The following ERBB4 variants were observed in gnomAD, a reference collection of about 807,000 sequenced individuals.
ERBB4 encodes erb-b2 receptor tyrosine kinase 4.
Under a neutral mutation model 158.0 loss-of-function variants are expected in ERBB4, and 42 were observed. That is an observed-to-expected ratio of 0.27 (90% CI 0.21 to 0.34). The LOEUF is 0.34. Among genes scored for constraint, ERBB4 ranks in the 10% least tolerant of loss-of-function variants. ERBB4 has a pLI of 1.00. For synonymous variants in ERBB4, 583 were observed against 558.7 expected (o/e 1.04, Z -0.61); for missense variants, 1,333 against 1,624.1 (o/e 0.82, Z 3.08).
At chr2:212,532,660 T>C (rs1466896489) in intron 1 of ERBB4, among the ~76,000 whole-genome samples, 1 of 152,228 alleles carries the variant, frequency 6.6e-6, no homozygotes. Flanking sequence ...AATGATTGTA[T>C]GACCAGAATC....
intron 5 of ERBB4, among the ~76,000 whole-genome samples, chr2:211,739,757 C>G (rs1285856644): frequency 6.6e-6 from 1 of 152,250 alleles, no homozygotes; most frequent in Non-Finnish European, 1.5e-5. Flanking sequence ...GCGTGAGCCA[C>G]TGCGCCCAGC....
intron 20 of ERBB4, among the ~76,000 whole-genome samples, chr2:211,517,229 AATAAT>A (rs1481998535): frequency 2.6e-5 from 4 of 152,132 alleles, no homozygotes; most frequent in African/African-American, 9.6e-5. Flanking sequence ...CTAACATAAA[AATAAT>A]ATGTTTCTTT....
chr2:211,888,160 T>C (rs952665886), intron 3 of ERBB4, among the ~76,000 whole-genome samples: 33 of 152,220 alleles, frequency 2.2e-4, no homozygotes, highest in African/African-American at 8.0e-4. Flanking sequence ...TTTCAGTTTC[T>C]TCTACTGCCA....
intron 20 of ERBB4, among the ~76,000 whole-genome samples, chr2:211,486,173 T>A (rs1318629533): frequency 6.6e-6 from 1 of 152,210 alleles, no homozygotes; most frequent in Non-Finnish European, 1.5e-5. Flanking sequence ...ACTTTGTATC[T>A]GCTAACTGTG....
chr2:211,676,479 G>GA (rs2072075661), intron 13 of ERBB4, among the ~76,000 whole-genome samples: 1 of 151,768 alleles, frequency 6.6e-6, no homozygotes, highest in South Asian at 2.1e-4. Flanking sequence ...GATAGAAACT[G>GA]GTGTATACAT....
intron 20 of ERBB4, among the ~76,000 whole-genome samples, chr2:211,507,233 A>G (rs1485508637): frequency 6.6e-6 from 1 of 152,148 alleles, no homozygotes; most frequent in Non-Finnish European, 1.5e-5. Context: ...TCTTTCATCA[A>G]TAAAAGCCCA....
At chr2:211,443,083 C>T (rs891580012) in intron 20 of ERBB4, among the ~76,000 whole-genome samples, 1 of 152,064 alleles carries the variant, frequency 6.6e-6, no homozygotes, top group East Asian at 1.9e-4. Context: ...CATCCTTACT[C>T]TTTCTATCCT....
chr2:211,410,567 G>A (rs918322567), intron 25 of ERBB4, among the ~76,000 whole-genome samples: 5 of 152,148 alleles, frequency 3.3e-5, no homozygotes, highest in African/African-American at 1.2e-4. Context: ...GAAGAATAAA[G>A]CAGTGACTAT....
intron 3 of ERBB4, among the ~76,000 whole-genome samples, chr2:211,931,319 T>C (rs1278039029): frequency 1.3e-5 from 2 of 152,130 alleles, no homozygotes; most frequent in African/African-American, 2.4e-5. Context: ...ACTATTATTA[T>C]AGCACGTTGT....
chr2:212,045,833 A>T (rs752313232), intron 2 of ERBB4, among the ~76,000 whole-genome samples: 8 of 152,224 alleles, frequency 5.3e-5, no homozygotes, highest in Non-Finnish European at 1.0e-4. Flanking sequence ...AGGGAACTTC[A>T]CATTTCCCGA....
At chr2:212,128,307 T>A (rs547302820) in intron 1 of ERBB4, among the ~76,000 whole-genome samples, 1 of 152,314 alleles carries the variant, frequency 6.6e-6, no homozygotes, top group South Asian at 2.1e-4. Flanking sequence ...TCTCCTCCCC[T>A]TAGAGGTAAG....
At chr2:211,610,265 C>T (rs1003604359) in intron 19 of ERBB4, among the ~76,000 whole-genome samples, 2 of 152,072 alleles carry the variant, frequency 1.3e-5, no homozygotes, top group Non-Finnish European at 2.9e-5. Flanking sequence ...GCATAGTAAG[C>T]CTTTTTTCCC....
At chr2:212,250,788 T>A (rs2084502874) in intron 1 of ERBB4, among the ~76,000 whole-genome samples, 1 of 150,740 alleles carries the variant, frequency 6.6e-6, no homozygotes, top group African/African-American at 2.5e-5. Context: ...TAAATAAGAT[T>A]ATGGTGAAAA....
rs187411076 is a variant in ERBB4, at chr2:211,393,690, C to G, written c.3136-5698G>C. ...CACTTATTTTCACTTAAATTAGTTA[C>G]AAGGACATAAACTGGAAAGAAGGAA... On this transcript the variant is annotated intron_variant, in intron 25 of 27. Coordinates refer to ENST00000342788, the MANE Select transcript of ERBB4 (RefSeq NM_005235.3). Among the ~76,000 whole-genome samples the G allele has an allele frequency of 2.6e-3, 386 of 151,340 alleles. 2 individuals are homozygous for G. Among genetic ancestry groups the G allele is most frequent in the African/African-American group, 8.7e-3 (360 of 41,216 alleles).
intron 1 of ERBB4, among the ~76,000 whole-genome samples, chr2:212,276,202 T>C (rs1179614449): frequency 6.6e-6 from 1 of 151,776 alleles, no homozygotes; most frequent in Non-Finnish European, 1.5e-5. Context: ...TTACCCATGG[T>C]TGACCAGAAT....
At chr2:211,407,988 G>A (rs1159473560) in intron 25 of ERBB4, among the ~76,000 whole-genome samples, 1 of 152,178 alleles carries the variant, frequency 6.6e-6, no homozygotes, top group Non-Finnish European at 1.5e-5. Context: ...TCCTTATTGA[G>A]AATAAAATAG....
intron 2 of ERBB4, among the ~76,000 whole-genome samples, chr2:212,105,501 T>C (rs1414087737): frequency 6.6e-6 from 1 of 152,220 alleles, no homozygotes; most frequent in Non-Finnish European, 1.5e-5. Flanking sequence ...GCAATCACGC[T>C]TTTTCTTTGC....
chr2:211,551,095 T>C (rs2067083710), intron 20 of ERBB4, among the ~76,000 whole-genome samples: 1 of 152,138 alleles, frequency 6.6e-6, no homozygotes. Context: ...TTAAACACTG[T>C]ATCTCCATGA....
chr2:212,214,871 G>A (rs1223416999), intron 1 of ERBB4, among the ~76,000 whole-genome samples: 1 of 151,590 alleles, frequency 6.6e-6, no homozygotes, highest in Non-Finnish European at 1.5e-5. Flanking sequence ...ATTAATGGCA[G>A]AAGTGTAAAT....
Sources: allele counts gnomAD v4.1 joint callset (sites outside exome capture counted in the v4.1 genomes callset), GRCh38; gene constraint gnomAD v4.1.1; transcripts MANE v1.5; gene names NCBI Gene and HGNC (gene_info 2026-07-23, HGNC 2026-07-21).